Variants in B3GALT1 observed in about 807,000 individuals in gnomAD.
B3GALT1 encodes UDP-Gal:betaGlcNAc beta 1,3-galactosyltransferase, polypeptide 1.
In B3GALT1, 10 loss-of-function variants were observed where a neutral mutation model predicts 23.2. The ratio of observed to expected loss-of-function variants is 0.43; its 90% CI spans 0.27 to 0.73. The LOEUF is 0.73. Ranked by LOEUF, B3GALT1 falls within the 30% of genes least tolerant of loss-of-function variation. The probability of loss-of-function intolerance (pLI) is 0.21; values close to 1 mark genes in which losing one functional copy is unlikely to be tolerated. For synonymous variants in B3GALT1, 156 were observed against 141.5 expected, an observed-to-expected ratio of 1.10 and a Z score of -0.73; for missense variants, 299 against 405.4, an observed-to-expected ratio of 0.74 and a Z score of 2.25.
intron 3 of B3GALT1, among the ~76,000 whole-genome samples, chr2:167,662,226 T>C (rs1007164265): frequency 2.0e-5 from 3 of 152,254 alleles, no homozygotes; most frequent in Middle Eastern, 3.4e-3. Context: ...ATATTTGTCA[T>C]CCAGATGCTT....
At chr2:167,767,599 T>A (rs1687999578) in intron 3 of B3GALT1, among the ~76,000 whole-genome samples, 1 of 152,154 alleles carries the variant, frequency 6.6e-6, no homozygotes, top group African/African-American at 2.4e-5. Context: ...CCTGTATAGT[T>A]TTTCATAATA....
chr2:167,603,225 T>C (rs1196689953), intron 2 of B3GALT1, among the ~76,000 whole-genome samples: 1 of 152,168 alleles, frequency 6.6e-6, no homozygotes, highest in Non-Finnish European at 1.5e-5. Context: ...TCTCAGCTTT[T>C]CCACCTCTAC....
chr2:167,485,541 A>ATAGCACT (rs1428190948), intron 1 of B3GALT1, among the ~76,000 whole-genome samples: 5 of 152,194 alleles, frequency 3.3e-5, no homozygotes, highest in African/African-American at 1.2e-4. Flanking sequence ...TACAGTTGTC[A>ATAGCACT]TAGCACTTGA....
At chr2:167,489,144 A>G (rs1230979642) in intron 1 of B3GALT1, among the ~76,000 whole-genome samples, 1 of 152,128 alleles carries the variant, frequency 6.6e-6, no homozygotes, top group Non-Finnish European at 1.5e-5. Flanking sequence ...CCATAGGCAG[A>G]TCATTTGATA....
chr2:167,460,664 ATGCCTTGTGATTTTTT>A lies in B3GALT1; in HGVS notation c.-510-29510_-510-29495del, dbSNP rs1429157238. Among the ~76,000 whole-genome samples, 63 of 149,660 alleles carry A rather than the reference ATGCCTTGTGATTTTTT, an allele frequency of 4.2e-4. 1 individual carries two copies. Among genetic ancestry groups the A allele is most frequent in the African/African-American group, 1.5e-3 (61 of 40,604 alleles). On this transcript the variant is annotated intron_variant, in intron 1 of 4. Coordinates refer to ENST00000392690, the MANE Select transcript of B3GALT1 (RefSeq NM_020981.4). Reference sequence around the variant, plus strand: ...GTGCCATACTTTCTGGTTTCTTTTTATGCCTTGTGATTTTTTTGTTGAAAACTGAACATTTGAATCT... The same window carrying A: ...GTGCCATACTTTCTGGTTTCTTTTTATGTTGAAAACTGAACATTTGAATCT...
chr2:167,839,144 T>G (rs1409611328), intron 4 of B3GALT1, among the ~76,000 whole-genome samples: 18 of 152,116 alleles, frequency 1.2e-4, no homozygotes, highest in Admixed American at 9.2e-4. Context: ...CTCTCACCAC[T>G]CCTATTCAAC....
At chr2:167,545,254 C>A (rs1683614912) in intron 2 of B3GALT1, among the ~76,000 whole-genome samples, 1 of 151,902 alleles carries the variant, frequency 6.6e-6, no homozygotes, top group Admixed American at 6.6e-5. Flanking sequence ...CCAGGATGGT[C>A]TTGATCTTCT....
At chr2:167,506,306 G>T (rs558156536) in intron 2 of B3GALT1, among the ~76,000 whole-genome samples, 2 of 152,264 alleles carry the variant, frequency 1.3e-5, no homozygotes, top group Admixed American at 6.5e-5. Context: ...AGAGTACAAT[G>T]TGTAGAGATT....
At chr2:167,533,492 A>G (rs1047594947) in intron 2 of B3GALT1, among the ~76,000 whole-genome samples, 1 of 152,178 alleles carries the variant, frequency 6.6e-6, no homozygotes, top group African/African-American at 2.4e-5. Context: ...ACCTTGCATT[A>G]CAGTGGCAAA....
At chr2:167,650,591 A>G (rs1685845541) in intron 3 of B3GALT1, among the ~76,000 whole-genome samples, 1 of 151,972 alleles carries the variant, frequency 6.6e-6, no homozygotes, top group Non-Finnish European at 1.5e-5. Flanking sequence ...TTTGAGAAGG[A>G]TTAGTATTAA....
chr2:167,340,330 A>C (rs1436049566), intron 1 of B3GALT1, among the ~76,000 whole-genome samples: 6 of 151,630 alleles, frequency 4.0e-5, no homozygotes, highest in South Asian at 2.1e-4. Context: ...AAAAAAAAAA[A>C]AAAAACAGAG....
chr2:167,721,457 A>AT (rs886554394), intron 3 of B3GALT1, among the ~76,000 whole-genome samples: 13 of 151,848 alleles, frequency 8.6e-5, no homozygotes, highest in Middle Eastern at 3.4e-3. Context: ...TATAAGTTAG[A>AT]TTTTTTTTTC....
At chr2:167,703,090 G>A (rs535042377) in intron 3 of B3GALT1, among the ~76,000 whole-genome samples, 1 of 152,288 alleles carries the variant, frequency 6.6e-6, no homozygotes, top group South Asian at 2.1e-4. Context: ...AATCAATTAG[G>A]TTCACTGGGT....
chr2:167,729,803 A>G (rs564003194), intron 3 of B3GALT1, among the ~76,000 whole-genome samples: 1 of 152,220 alleles, frequency 6.6e-6, no homozygotes, highest in South Asian at 2.1e-4. Flanking sequence ...AGTCATGTGA[A>G]GAAGTGAAGT....
chr2:167,684,171 C>T (rs1686579848), intron 3 of B3GALT1, among the ~76,000 whole-genome samples: 1 of 152,194 alleles, frequency 6.6e-6, no homozygotes, highest in Non-Finnish European at 1.5e-5. Context: ...AGAAATGCTA[C>T]TGCAGTCTCC....
chr2:167,717,342 A>C (rs1483954241), intron 3 of B3GALT1, among the ~76,000 whole-genome samples: 2 of 151,618 alleles, frequency 1.3e-5, no homozygotes, highest in African/African-American at 4.8e-5. Context: ...CACAATGTGC[A>C]GGTTTGTTAC....
At chr2:167,747,854 T>C (rs1574242848) in intron 3 of B3GALT1, among the ~76,000 whole-genome samples, 1 of 152,214 alleles carries the variant, frequency 6.6e-6, no homozygotes, top group East Asian at 1.9e-4. Context: ...AAAACAAATG[T>C]GTAATTCTGA....
At chr2:167,340,517 G>T (rs1298119838) in intron 1 of B3GALT1, among the ~76,000 whole-genome samples, 1 of 152,084 alleles carries the variant, frequency 6.6e-6, no homozygotes, top group Non-Finnish European at 1.5e-5. Flanking sequence ...GTCCTTTATT[G>T]CTGAGGAGAC....
chr2:167,488,444 A>G (rs753709614), intron 1 of B3GALT1, among the ~76,000 whole-genome samples: 4 of 152,234 alleles, frequency 2.6e-5, no homozygotes, highest in Non-Finnish European at 5.9e-5. Context: ...AATTCTGGGT[A>G]TATGTGTGCT....
Sources: allele counts gnomAD v4.1 joint callset (sites outside exome capture counted in the v4.1 genomes callset), GRCh38; gene constraint gnomAD v4.1.1; transcripts MANE v1.5; gene names NCBI Gene and HGNC (gene_info 2026-07-23, HGNC 2026-07-21).